The following PDE10A variants were observed in gnomAD, a reference collection of about 807,000 sequenced individuals.
PDE10A encodes cAMP and cAMP-inhibited cGMP 3',5'-cyclic phosphodiesterase 10A.
PDE10A carries 39 observed loss-of-function variants against 97.7 expected under a neutral mutation model. The ratio of observed to expected loss-of-function variants is 0.40; its 90% CI spans 0.31 to 0.52. PDE10A has a LOEUF of 0.52. Ranked by LOEUF, PDE10A falls within the 20% of genes least tolerant of loss-of-function variation. The pLI is 0.56. For missense variants in PDE10A, 731 were observed against 1,047.8 expected, an observed-to-expected ratio of 0.70 and a Z score of 4.17; for synonymous variants, 371 against 376.8, an observed-to-expected ratio of 0.98 and a Z score of 0.18.
At chr6:165,502,641 C>T (rs1243451404) in intron 2 of PDE10A, among the ~76,000 whole-genome samples, 1 of 152,160 alleles carries the variant, frequency 6.6e-6, no homozygotes, top group Non-Finnish European at 1.5e-5. Flanking sequence ...TGTGGTGTAT[C>T]TGAATAATGG....
At chr6:165,395,448 T>C (rs752347083) in intron 14 of PDE10A, among the ~76,000 whole-genome samples, 184 bp from the exon 15 acceptor site, 2 of 152,196 alleles carry the variant, frequency 1.3e-5, no homozygotes, top group African/African-American at 4.8e-5. Context: ...ACTAAACATA[T>C]TGCCTTAGAA....
At chr6:165,823,794 C>G (rs575011230) in intron 1 of PDE10A, among the ~76,000 whole-genome samples, 2 of 151,978 alleles carry the variant, frequency 1.3e-5, no homozygotes, top group Middle Eastern at 3.4e-3. Flanking sequence ...TATGACGTCA[C>G]TGGGTGATAG....
At chr6:165,855,679 G>A (rs1364206883) in intron 1 of PDE10A, among the ~76,000 whole-genome samples, 1 of 151,974 alleles carries the variant, frequency 6.6e-6, no homozygotes, top group African/African-American at 2.4e-5. Context: ...GATAAAAGTT[G>A]GCAATGAATC....
chr6:165,614,846 T>TAA (rs879601131), intron 1 of PDE10A, among the ~76,000 whole-genome samples: 1 of 141,666 alleles, frequency 7.1e-6, no homozygotes, highest in African/African-American at 2.6e-5. Flanking sequence ...GGCATTCAAT[T>TAA]AAAAAAAAAA....
intron 1 of PDE10A, among the ~76,000 whole-genome samples, chr6:165,639,769 C>CATA (rs1789043818): frequency 2.1e-5 from 3 of 141,098 alleles, no homozygotes; most frequent in Admixed American, 1.4e-4. Context: ...GAGAGAGAGA[C>CATA]ATAAAAATCA....
Position 165,430,272 on chromosome 6 carries a change from G to T in PDE10A, c.1601+15C>A, listed in dbSNP as rs530540801. On this transcript the variant is annotated intron_variant, in intron 9 of 21. Coordinates refer to ENST00000539869, the MANE Select transcript of PDE10A (RefSeq NM_001385079.1). ...TGATTAATAAGAGCTACTATCCCTA[G>T]AAATGAACACTTACTTTGATACGTC... 15 of 1,596,240 alleles carry T rather than the reference G, an allele frequency of 9.4e-6. No individual in the cohort carries two copies. The highest frequency in any genetic ancestry group is 1.2e-5 in the Non-Finnish European group (14 of 1,166,616).
intron 1 of PDE10A, chr6:165,660,744 A>C (rs1790206682): frequency 6.7e-6 from 1 of 150,116 alleles, no homozygotes; most frequent in Non-Finnish European, 1.5e-5. Flanking sequence ...GTCGGCCCAG[A>C]GAAGGCGCCG....
At chr6:165,475,918 T>C (rs919679617) in intron 3 of PDE10A, among the ~76,000 whole-genome samples, 1 of 152,196 alleles carries the variant, frequency 6.6e-6, no homozygotes, top group African/African-American at 2.4e-5. Flanking sequence ...CAACTCCCCC[T>C]GTGAGAATGT....
chr6:165,715,628 A>T (rs1213369686), intron 1 of PDE10A, among the ~76,000 whole-genome samples: 1 of 152,198 alleles, frequency 6.6e-6, no homozygotes, highest in Non-Finnish European at 1.5e-5. Flanking sequence ...ACACACGTGA[A>T]CACACGTGCG....
chr6:165,581,455 T>C (rs772676737), intron 1 of PDE10A, among the ~76,000 whole-genome samples: 4 of 152,166 alleles, frequency 2.6e-5, no homozygotes, highest in Non-Finnish European at 5.9e-5. Context: ...TCTCAAAACA[T>C]TTCTCTTGTA....
intron 1 of PDE10A, among the ~76,000 whole-genome samples, chr6:165,956,207 A>T (rs6915961): frequency 0.034 from 5,121 of 152,308 alleles, 296 homozygotes; most frequent in African/African-American, 0.12. Context: ...AATCTACATT[A>T]TGCAAATCTA....
intron 1 of PDE10A, among the ~76,000 whole-genome samples, chr6:165,551,596 A>G (rs1033414071): frequency 6.6e-6 from 1 of 152,220 alleles, no homozygotes; most frequent in East Asian, 1.9e-4. Flanking sequence ...TGGCCACAGA[A>G]GCAATAATTA....
intron 1 of PDE10A, among the ~76,000 whole-genome samples, chr6:165,869,963 G>A (rs1457889565): frequency 6.6e-6 from 1 of 152,114 alleles, no homozygotes; most frequent in Admixed American, 6.6e-5. Context: ...AACTAAAGAT[G>A]TAAACTTAAG....
chr6:165,545,752 A>AT (rs1051403039), intron 1 of PDE10A, among the ~76,000 whole-genome samples: 5 of 152,080 alleles, frequency 3.3e-5, no homozygotes, highest in African/African-American at 1.2e-4. Context: ...TTAAAAAAAA[A>AT]CTGACAGTAC....
rs774428902 is a variant in PDE10A at position 165,435,300 on chromosome 6, G to T, written c.1272C>A (p.Gly424=). ...TGGCCACATAAGCAGAGACGGTGGTGCCCTGAGTGATGGGCCCAGCAGGGA... is the reference window on the plus strand; with the variant it reads ...TGGCCACATAAGCAGAGACGGTGGTTCCCTGAGTGATGGGCCCAGCAGGGA... ...RLIPAGPITQ[G]TTVSAYVAKS... The change falls in exon 6 of 22, where the codon GGC becomes GGA. Residue 424 remains glycine, a synonymous_variant. Transcript: ENST00000539869. 1 of 1,613,878 alleles carries T rather than the reference G, an allele frequency of 6.2e-7. No homozygotes were observed. Among genetic ancestry groups the T allele is most frequent in the Non-Finnish European group, 8.5e-7 (1 of 1,179,786 alleles).
chr6:165,334,800 G>A (rs1331771665), intron 21 of PDE10A, among the ~76,000 whole-genome samples: 1 of 152,108 alleles, frequency 6.6e-6, no homozygotes, highest in Non-Finnish European at 1.5e-5. Flanking sequence ...ATCCACAGGA[G>A]CAGGAAGGAA....
chr6:165,974,989 G>T (rs1053886799), intron 1 of PDE10A, among the ~76,000 whole-genome samples: 2 of 152,192 alleles, frequency 1.3e-5, no homozygotes, highest in Non-Finnish European at 2.9e-5. Context: ...TTTCCTGGCT[G>T]CGCAGGGATT....
chr6:165,970,890 T>G (rs568079495), intron 1 of PDE10A, among the ~76,000 whole-genome samples: 10 of 152,342 alleles, frequency 6.6e-5, no homozygotes, highest in Non-Finnish European at 1.3e-4. Context: ...CTCACACCTG[T>G]AATCCCAGCA....
intron 1 of PDE10A, among the ~76,000 whole-genome samples, chr6:165,615,466 A>G (rs985528780): frequency 1.3e-5 from 2 of 152,136 alleles, no homozygotes; most frequent in African/African-American, 4.8e-5. Flanking sequence ...CGTGTGACAA[A>G]CAGAAGCAAA....
Sources: gnomAD v4.1 joint callset for allele counts (sites outside exome capture counted in the v4.1 genomes callset) on GRCh38, gnomAD v4.1.1 for gene constraint, MANE v1.5 for transcripts, NCBI Gene and HGNC (gene_info 2026-07-23, HGNC 2026-07-21) for gene names.